The following ZNF704 variants were observed in gnomAD, a reference collection of about 807,000 sequenced individuals.
ZNF704 encodes zinc finger protein 704.
In ZNF704, 10 loss-of-function variants were observed where a neutral mutation model predicts 44.7. The ratio of observed to expected loss-of-function variants is 0.22; its 90% CI spans 0.14 to 0.38. The LOEUF is 0.38. ZNF704 is among the 10% of genes least tolerant of loss of function. The pLI, the probability that ZNF704 is intolerant of heterozygous loss-of-function variation, is 1.00. For missense variants in ZNF704, 390 were observed against 545.5 expected (o/e 0.71, Z 2.84); for synonymous variants, 211 against 207.6 (o/e 1.02, Z -0.14).
At chr8:80,821,685 G>C in intron 1 of ZNF704, 70 bp from the exon 2 acceptor site, 1 of 1,168,790 alleles carries the variant, frequency 8.6e-7, no homozygotes, top group East Asian at 2.3e-5. Flanking sequence ...GCAGATGGCG[G>C]TGAGGAGAGA....
chr8:80,772,893 T>G (rs1275963685), intron 2 of ZNF704, among the ~76,000 whole-genome samples: 1 of 152,244 alleles, frequency 6.6e-6, no homozygotes, highest in Admixed American at 6.5e-5. Context: ...TCTTTTCTAA[T>G]GTATGTATTA....
chr8:80,711,270 C>T (rs931541003), intron 2 of ZNF704, among the ~76,000 whole-genome samples: 1 of 152,140 alleles, frequency 6.6e-6, no homozygotes, highest in Non-Finnish European at 1.5e-5. Context: ...TGACAACAGT[C>T]CCAGTGGCAG....
chr8:80,875,057 C>CTCTCT (rs1809338409), upstream of ZNF704, among the ~76,000 whole-genome samples: 1 of 152,132 alleles, frequency 6.6e-6, no homozygotes, highest in Admixed American at 6.5e-5. Context: ...GATCTGTAGA[C>CTCTCT]TCTCTTCTGG....
intron 2 of ZNF704, among the ~76,000 whole-genome samples, chr8:80,693,548 T>C (rs1446266234): frequency 6.6e-6 from 1 of 152,204 alleles, no homozygotes; most frequent in East Asian, 1.9e-4. Context: ...AACGTGACAG[T>C]GCCTGCCTGT....
chr8:80,787,224 T>A (rs796974642), intron 2 of ZNF704, among the ~76,000 whole-genome samples: 85 of 152,340 alleles, frequency 5.6e-4, no homozygotes, highest in African/African-American at 1.9e-3. Flanking sequence ...TCAGAACACC[T>A]TTTTTAGAAA....
chr8:80,850,926 G>T (rs952131656), intron 1 of ZNF704, among the ~76,000 whole-genome samples: 4 of 152,140 alleles, frequency 2.6e-5, no homozygotes, highest in African/African-American at 9.7e-5. Flanking sequence ...TTCTGGGCTG[G>T]GCTATCACAG....
intron 2 of ZNF704, among the ~76,000 whole-genome samples, chr8:80,789,027 A>C (rs1338320022): frequency 1.3e-5 from 2 of 152,238 alleles, no homozygotes; most frequent in Non-Finnish European, 2.9e-5. Context: ...AAAAATTATT[A>C]AAGCATTGCA....
In ZNF704 at chr8:80,630,071, A is replaced by G. The variant is rs942636549; in HGVS notation, c.*11295T>C. 3 of 152,226 alleles carry G rather than the reference A, an allele frequency of 2.0e-5. No individual in the cohort carries two copies. The highest frequency in any genetic ancestry group is 7.2e-5 in the African/African-American group (3 of 41,458). 9.4% of individuals were successfully genotyped at this position (152,226 alleles called of 1,614,324 possible). On this transcript the variant is annotated 3_prime_UTR_variant, in exon 9 of 9. Transcript: ENST00000327835. ...ATATAGATGGGCTTCCCATATCCCC[A>G]TAAGGATATGTATCCAAGTTTATTT...
At chr8:80,879,863 C>G in the ZNF704 span, among the ~76,000 whole-genome samples, 1 of 152,100 alleles carries the variant, frequency 6.6e-6, no homozygotes, top group Non-Finnish European at 1.5e-5. Flanking sequence ...CCTTTTCTTA[C>G]AGCTTTTTTC....
chr8:80,745,387 C>A (rs1215054669), intron 2 of ZNF704, among the ~76,000 whole-genome samples: 1 of 152,066 alleles, frequency 6.6e-6, no homozygotes, highest in East Asian at 1.9e-4. Context: ...AGAAATTCTG[C>A]AGTTTTGGTT....
At chr8:80,849,185 A>G (rs948926735) in intron 1 of ZNF704, among the ~76,000 whole-genome samples, 2 of 152,202 alleles carry the variant, frequency 1.3e-5, no homozygotes, top group Non-Finnish European at 2.9e-5. Flanking sequence ...ACCAAATTCT[A>G]CTGCAACATC....
intron 1 of ZNF704, among the ~76,000 whole-genome samples, chr8:80,841,790 TTTC>T (rs1465493399): frequency 2.0e-5 from 3 of 152,052 alleles, no homozygotes; most frequent in African/African-American, 7.3e-5. Flanking sequence ...CTCTTTTCTT[TTTC>T]TTCTTCTTTT....
intron 2 of ZNF704, among the ~76,000 whole-genome samples, chr8:80,696,096 A>G (rs1818720373): frequency 6.6e-6 from 1 of 152,210 alleles, no homozygotes; most frequent in African/African-American, 2.4e-5. Context: ...AAATCCTTAT[A>G]ATTAAACATG....
At chr8:80,647,964 T>C (rs1817858855) in intron 7 of ZNF704, among the ~76,000 whole-genome samples, 1 of 152,198 alleles carries the variant, frequency 6.6e-6, no homozygotes, top group Admixed American at 6.5e-5. Context: ...TTTAAAGTTC[T>C]GGAGGCTGGA....
intron 2 of ZNF704, among the ~76,000 whole-genome samples, chr8:80,734,429 T>C (rs934832754): frequency 3.3e-5 from 5 of 152,238 alleles, no homozygotes; most frequent in Non-Finnish European, 4.4e-5. Context: ...GGAAGTCTTA[T>C]ATTTGAAGTA....
chr8:80,643,020 T>G lies in ZNF704; in HGVS notation c.1127+15A>C. 1 of 1,543,606 alleles carries G rather than the reference T, an allele frequency of 6.5e-7. No individual in the cohort carries two copies. Among genetic ancestry groups the G allele is most frequent in the Non-Finnish European group, 8.8e-7 (1 of 1,138,872 alleles). On this transcript the variant is annotated intron_variant, in intron 8 of 8. Transcript: ENST00000327835. ...CCTTGTGGTGAGGTGTGTGGAGTTT[T>G]TTAAGCTGTCGTACCTTAAGCTGAC...
intron 2 of ZNF704, among the ~76,000 whole-genome samples, chr8:80,801,359 A>G (rs1402052515): frequency 6.6e-6 from 1 of 152,168 alleles, no homozygotes; most frequent in Non-Finnish European, 1.5e-5. Context: ...AAACAACAAA[A>G]TATACATTCT....
chr8:80,854,471 A>C (rs982015510), intron 1 of ZNF704, among the ~76,000 whole-genome samples: 10 of 152,228 alleles, frequency 6.6e-5, no homozygotes, highest in Non-Finnish European at 1.5e-4. Flanking sequence ...TAATTAGAGG[A>C]ACTTGCCTAA....
At chr8:80,723,870 C>T (rs1390678669) in intron 2 of ZNF704, among the ~76,000 whole-genome samples, 6 of 152,132 alleles carry the variant, frequency 3.9e-5, no homozygotes, top group Admixed American at 3.9e-4. Flanking sequence ...TCCAGGGAGC[C>T]GACTGATAGA....
Sources: gnomAD v4.1 joint callset for allele counts (sites outside exome capture counted in the v4.1 genomes callset) on GRCh38, gnomAD v4.1.1 for gene constraint, MANE v1.5 for transcripts, NCBI Gene and HGNC (gene_info 2026-07-23, HGNC 2026-07-21) for gene names.